Variants in SKIL observed in about 807,000 individuals in gnomAD.
SKIL encodes SKI like proto-oncogene, also known as ski-like protein.
A neutral mutation model predicts 69.6 loss-of-function variants in SKIL; 20 were observed. The observed-to-expected ratio is 0.29, with a 90% CI of 0.20 to 0.42. The LOEUF (loss-of-function observed/expected upper bound fraction) is 0.42. Among genes scored for constraint, SKIL ranks in the 10% least tolerant of loss-of-function variants. The pLI is 1.00. For synonymous variants in SKIL, 310 were observed against 279.9 expected (o/e 1.11, Z -1.08); for missense variants, 745 against 783.1 (o/e 0.95, Z 0.58).
At chr3:170,386,748 A>G (rs949154100) in intron 4 of SKIL, among the ~76,000 whole-genome samples, 3 of 152,082 alleles carry the variant, frequency 2.0e-5, no homozygotes, top group Non-Finnish European at 2.9e-5. Flanking sequence ...GGGATTACAG[A>G]TGTGAGCCAC....
intron 1 of SKIL, among the ~76,000 whole-genome samples, chr3:170,359,188 C>T (rs1736090690): frequency 6.6e-6 from 1 of 152,326 alleles, no homozygotes; most frequent in South Asian, 2.1e-4. Flanking sequence ...GCTCGCTTTA[C>T]GCAACTCCAA....
intron 2 of SKIL, among the ~76,000 whole-genome samples, chr3:170,379,403 T>C (rs1737209206): frequency 6.6e-6 from 1 of 152,152 alleles, no homozygotes; most frequent in Admixed American, 6.5e-5. Flanking sequence ...ACTTCCTATT[T>C]TTGTTGGTCA....
At chr3:170,371,765 G>A (rs1332712390) in intron 2 of SKIL, among the ~76,000 whole-genome samples, 2 of 152,190 alleles carry the variant, frequency 1.3e-5, no homozygotes, top group Non-Finnish European at 2.9e-5. Flanking sequence ...TACAATGGAT[G>A]CCTTGGGGCA....
intron 2 of SKIL, among the ~76,000 whole-genome samples, chr3:170,365,380 C>G (rs1736446906): frequency 6.6e-6 from 1 of 152,174 alleles, no homozygotes; most frequent in African/African-American, 2.4e-5. Context: ...ATCTGAAATG[C>G]TCTAAAGGCC....
At chr3:170,384,442 A>G (rs1289863798) in intron 3 of SKIL, 91 bp from the exon 4 acceptor site, 1 of 594,602 alleles carries the variant, frequency 1.7e-6, no homozygotes, top group East Asian at 2.9e-5. Context: ...GAAAAAAAAA[A>G]GTTTAACCAC....
At chr3:170,363,715 C>T (rs1009319710) in intron 2 of SKIL, among the ~76,000 whole-genome samples, 2 of 152,134 alleles carry the variant, frequency 1.3e-5, no homozygotes, top group Non-Finnish European at 2.9e-5. Context: ...AAACTCCTGA[C>T]CTCGGGTGAT....
chr3:170,392,162 TG>T (rs1351629222), intron 6 of SKIL, 96 bp from the exon 7 acceptor site: 2 of 1,007,272 alleles, frequency 2.0e-6, no homozygotes, highest in Non-Finnish European at 2.9e-6. Flanking sequence ...TAGTTCGTTT[TG>T]TAAAAAGTAA....
In SKIL at chr3:170,392,623, A is replaced by G; in HGVS notation, c.*206A>G. 1 of 346,850 alleles carries G rather than the reference A, an allele frequency of 2.9e-6. No homozygotes were observed. Among genetic ancestry groups the G allele is most frequent in the Non-Finnish European group, 5.2e-6 (1 of 192,098 alleles). 21.5% of individuals were successfully genotyped at this position (346,850 alleles called of 1,614,324 possible). ...TGAATGAAAATGTATGTTTCTTTGT[A>G]CTTTTTTAAAAAAATCAGCTTAGTA... On this transcript the variant is annotated 3_prime_UTR_variant, in exon 7 of 7. Transcript: ENST00000259119.
rs138342621 is a variant in SKIL at position 170,393,207 on chromosome 3, T to C, written c.*790T>C. 6.6e-6 allele frequency: 1 copy of C among 152,328 alleles called. No individual in the cohort carries two copies. Among genetic ancestry groups the C allele is most frequent in the Non-Finnish European group, 1.5e-5 (1 of 68,016 alleles). 9.4% of individuals were successfully genotyped at this position (152,328 alleles called of 1,614,324 possible). A position where few individuals can be genotyped will look rare whatever the true frequency, so the allele number is the denominator to read the frequency against. ...TAGTGGTGTGAAAATATTAACGTTCTTGAGAAAAACTGATACCACTGTTGT... is the reference window on the plus strand; with the variant it reads ...TAGTGGTGTGAAAATATTAACGTTCCTGAGAAAAACTGATACCACTGTTGT... On this transcript the variant is annotated 3_prime_UTR_variant, in exon 7 of 7. Coordinates refer to ENST00000259119, the MANE Select transcript of SKIL (RefSeq NM_005414.5).
chr3:170,396,103 C>G lies in SKIL; in HGVS notation c.*3686C>G, dbSNP rs1738170859. 2 of 149,804 alleles carry G rather than the reference C, an allele frequency of 1.3e-5. No individual in the cohort carries two copies. Among genetic ancestry groups the G allele is most frequent in the Admixed American group, 6.7e-5 (1 of 14,998 alleles). 9.3% of individuals were successfully genotyped at this position (149,804 alleles called of 1,614,324 possible). On this transcript the variant is annotated 3_prime_UTR_variant, in exon 7 of 7. Coordinates refer to ENST00000259119, the MANE Select transcript of SKIL (RefSeq NM_005414.5). Reference sequence around the variant, plus strand: ...CTATTTAGTAATAGAATTAAATGTCCTATGTAGTGCTACAATTTTTGAATT... The same window carrying G: ...CTATTTAGTAATAGAATTAAATGTCGTATGTAGTGCTACAATTTTTGAATT...
At chr3:170,373,303 AT>A (rs1375317418) in intron 2 of SKIL, among the ~76,000 whole-genome samples, 2 of 152,016 alleles carry the variant, frequency 1.3e-5, no homozygotes, top group South Asian at 2.1e-4. Context: ...AGTAGCTGGG[AT>A]TACAGGCATG....
rs777210677 is a variant in SKIL, at chr3:170,361,144, A to G, written c.813A>G (p.Lys271=). ...AAGTGGAGCATGAATGCCTAGGCAA[A>G]TGTCAGGGTTTATTTGCACCCCAGT... ...AFEVEHECLG[K]CQGLFAPQFY... The change falls in exon 2 of 7, where the codon AAA becomes AAG. Residue 271 remains lysine, a synonymous_variant. Coordinates refer to ENST00000259119, the MANE Select transcript of SKIL (RefSeq NM_005414.5). The G allele has an allele frequency of 2.5e-6, 4 of 1,614,092 alleles. No individual in the cohort carries two copies. Among genetic ancestry groups the G allele is most frequent in the Non-Finnish European group, 2.5e-6 (3 of 1,180,038 alleles).
At position 170,385,800 on chromosome 3, in the gene SKIL, CTTTT is replaced by C. The variant is rs903813500; in HGVS notation, c.1429+1040_1429+1043del. 5.8e-4 allele frequency among the ~76,000 whole-genome samples: 87 copies of C among 149,616 alleles called. 2 individuals carry two copies. The highest frequency in any genetic ancestry group is 1.2e-3 in the East Asian group (6 of 5,076). ...GGGGTTTTCTTTTCTTTCTTTCTTT[CTTTT>C]TTTTCTTTTTTTTTTTTGAGGAGTT... On this transcript the variant is annotated intron_variant, in intron 4 of 6. Transcript: ENST00000259119.
intron 3 of SKIL, among the ~76,000 whole-genome samples, chr3:170,382,254 C>T (rs896531110): frequency 1.3e-5 from 2 of 151,840 alleles, no homozygotes; most frequent in South Asian, 2.1e-4. Context: ...GTAAATTGCA[C>T]TGAATATTTG....
chr3:170,362,544 C>G (rs1448327275), intron 2 of SKIL, among the ~76,000 whole-genome samples: 1 of 151,312 alleles, frequency 6.6e-6, no homozygotes, highest in African/African-American at 2.4e-5. Context: ...CAGGTGGGAG[C>G]AATGAATGGC....
intron 6 of SKIL, 93 bp downstream of exon 6, chr3:170,391,353 T>C: frequency 1.4e-6 from 1 of 726,444 alleles, no homozygotes; most frequent in South Asian, 2.0e-5. Flanking sequence ...GAGACTGCTC[T>C]GTCGCCCAGG....
At chr3:170,358,681 AT>A (rs1468965303) in intron 1 of SKIL, 1 of 152,140 alleles carries the variant, frequency 6.6e-6, no homozygotes, top group Admixed American at 6.5e-5. Flanking sequence ...AAAAATTTCT[AT>A]TTATTGGATT....
intron 2 of SKIL, among the ~76,000 whole-genome samples, chr3:170,364,473 A>G (rs1309420607): frequency 6.6e-6 from 1 of 150,794 alleles, no homozygotes; most frequent in Non-Finnish European, 1.5e-5. Flanking sequence ...ACAGGTGCCC[A>G]CCACCATGCC....
At chr3:170,390,490 C>T in intron 5 of SKIL, 26 bp downstream of exon 5, 1 of 1,585,452 alleles carries the variant, frequency 6.3e-7, no homozygotes, top group Middle Eastern at 1.7e-4. Context: ...AAATGATAGT[C>T]CATTATGAAA....
Sources: gnomAD v4.1 joint callset for allele counts (sites outside exome capture counted in the v4.1 genomes callset) on GRCh38, gnomAD v4.1.1 for gene constraint, MANE v1.5 for transcripts, NCBI Gene and HGNC (gene_info 2026-07-23, HGNC 2026-07-21) for gene names.